Variants in CERS3 observed in about 807,000 individuals in gnomAD.
CERS3 encodes ceramide synthase 3.
Under a neutral mutation model 50.3 loss-of-function variants are expected in CERS3, and 33 were observed. The observed-to-expected ratio is 0.66, with a 90% CI of 0.50 to 0.88. CERS3 has a LOEUF of 0.88. CERS3 is among the 40% of genes least tolerant of loss of function. The probability of loss-of-function intolerance (pLI) is 0.00; values close to 1 mark genes in which losing one functional copy is unlikely to be tolerated. For synonymous variants in CERS3, 176 were observed against 155.2 expected, an observed-to-expected ratio of 1.13 and a Z score of -0.99; for missense variants, 470 against 460.3, an observed-to-expected ratio of 1.02 and a Z score of -0.19.
At chr15:100,478,108 G>T (rs545542622) in intron 7 of CERS3, among the ~76,000 whole-genome samples, 12 of 152,274 alleles carry the variant, frequency 7.9e-5, no homozygotes, top group African/African-American at 2.6e-4. Context: ...AGACTAATCA[G>T]ACTTTGACTT....
rs144246949 is a variant in CERS3, at chr15:100,466,115, T to G, written c.845+3263A>C. Among the ~76,000 whole-genome samples, 660 of 152,274 alleles carry G rather than the reference T, an allele frequency of 4.3e-3. 7 individuals are homozygous for G. Among genetic ancestry groups the G allele is most frequent in the African/African-American group, 0.015 (626 of 41,564 alleles). ...ATGCCAAACACATGTAACTCAATTCTCCTTGAAAACCAGAAATGCTGGCAT... is the reference window on the plus strand; with the variant it reads ...ATGCCAAACACATGTAACTCAATTCGCCTTGAAAACCAGAAATGCTGGCAT... On this transcript the variant is annotated intron_variant, in intron 10 of 11. Transcript: ENST00000679737.
At chr15:100,463,199 G>A (rs2142215580) in intron 10 of CERS3, among the ~76,000 whole-genome samples, 1 of 152,100 alleles carries the variant, frequency 6.6e-6, no homozygotes, top group East Asian at 1.9e-4. Context: ...AAAATTGGGA[G>A]GCTGAGGCAG....
intron 10 of CERS3, among the ~76,000 whole-genome samples, chr15:100,457,139 T>C (rs907863580): frequency 1.4e-4 from 22 of 152,292 alleles, no homozygotes; most frequent in Admixed American, 1.3e-3. Context: ...ACAAACAATA[T>C]TGTAATTTTC....
At chr15:100,404,448 C>G (rs76765749) in intron 11 of CERS3, among the ~76,000 whole-genome samples, 3 of 152,126 alleles carry the variant, frequency 2.0e-5, no homozygotes, top group African/African-American at 7.2e-5. Context: ...AGAGAGAAAT[C>G]TGAAATTCTT....
At chr15:100,533,150 G>A (rs943823645), upstream of CERS3, among the ~76,000 whole-genome samples, 15 of 152,160 alleles carry the variant, frequency 9.9e-5, no homozygotes, top group East Asian at 1.9e-4. Flanking sequence ...CAAATTAGTC[G>A]GGAGGACAAC....
At chr15:100,459,213 AT>A (rs199773947) in intron 10 of CERS3, among the ~76,000 whole-genome samples, 2,724 of 152,378 alleles carry the variant, frequency 0.018, 38 homozygotes, top group Middle Eastern at 0.082. Flanking sequence ...ATATATCATA[AT>A]TTAACTAATC....
chr15:100,469,327 G>T, intron 10 of CERS3, 51 bp downstream of exon 10: 1 of 1,416,048 alleles, frequency 7.1e-7, no homozygotes, highest in South Asian at 1.2e-5. Flanking sequence ...CATGCACTGA[G>T]GCCACCTCTG....
rs986952633 is a variant in CERS3, at chr15:100,480,978, G to A, written c.408-932C>T. ...TTCTACTTTAATATATGCTTGCAAC[G>A]TTCCAAATAAAAAGTTTTTTAAAGT... is the stretch of plus-strand genomic sequence containing the variant. On this transcript the variant is annotated intron_variant, in intron 5 of 11. Coordinates refer to ENST00000679737, the MANE Select transcript of CERS3 (RefSeq NM_001378789.1). Among the ~76,000 whole-genome samples, 31 of 152,110 alleles carry A rather than the reference G, an allele frequency of 2.0e-4. 1 individual carries two copies. The highest frequency in any genetic ancestry group is 6.2e-4 in the South Asian group (3 of 4,832).
intron 8 of CERS3, among the ~76,000 whole-genome samples, chr15:100,475,121 A>G (rs1307945344): frequency 6.6e-6 from 1 of 152,208 alleles, no homozygotes. Context: ...AAATGACTCA[A>G]CCAATTAAAT....
intron 11 of CERS3, among the ~76,000 whole-genome samples, chr15:100,427,867 G>GA (rs1472158855): frequency 6.6e-6 from 1 of 152,182 alleles, no homozygotes; most frequent in Non-Finnish European, 1.5e-5. Context: ...CCACCCCCAG[G>GA]ATGGGAACAG....
intron 11 of CERS3, among the ~76,000 whole-genome samples, chr15:100,409,869 A>G (rs1307084317): frequency 6.6e-6 from 1 of 152,148 alleles, no homozygotes; most frequent in African/African-American, 2.4e-5. Flanking sequence ...CTCTTTGAAG[A>G]GTGGAGGGGT....
intron 3 of CERS3, among the ~76,000 whole-genome samples, chr15:100,491,918 G>A (rs969197004): frequency 3.4e-5 from 5 of 147,868 alleles, no homozygotes; most frequent in Non-Finnish European, 7.4e-5. Context: ...AGAGATGAGG[G>A]TTTTGCTATG....
chr15:100,534,219 G>A (rs762026654), intron 1 of CERS3, among the ~76,000 whole-genome samples: 1 of 152,142 alleles, frequency 6.6e-6, no homozygotes, highest in Non-Finnish European at 1.5e-5. Context: ...TCCAGAAAAT[G>A]TTCATTGCTA....
chr15:100,442,851 CCTT>C (rs1401856270), intron 11 of CERS3, among the ~76,000 whole-genome samples: 5 of 152,142 alleles, frequency 3.3e-5, no homozygotes, highest in African/African-American at 2.4e-5. Flanking sequence ...AAGCCCATCC[CCTT>C]CTTAATCAAT....
chr15:100,440,836 A>G (rs1047464841), intron 11 of CERS3, among the ~76,000 whole-genome samples: 1 of 152,028 alleles, frequency 6.6e-6, no homozygotes, highest in African/African-American at 2.4e-5. Flanking sequence ...TTGGCACCAC[A>G]CTTCAATTTC....
In CERS3 at chr15:100,490,881, C is replaced by T. The variant is rs904261909; in HGVS notation, c.224G>A (p.Arg75Gln). The part of the protein sequence containing the change: ...AKSFGIKETV[R>Q]KVTPNTVLEN... Reference sequence around the variant, plus strand: ...TAAGACAGTATTTGGTGTAACCTTTCGAACTGTCTCTTTAATGCCAAATGA... The same window carrying T: ...TAAGACAGTATTTGGTGTAACCTTTTGAACTGTCTCTTTAATGCCAAATGA... The change falls in exon 4 of 12, where the codon CGA becomes CAA. Residue 75 changes from arginine (R) to glutamine (Q), a missense_variant. Coordinates refer to ENST00000679737, the MANE Select transcript of CERS3 (RefSeq NM_001378789.1). 7 of 1,611,256 alleles carry T rather than the reference C, an allele frequency of 4.3e-6. No individual in the cohort carries two copies. The highest frequency in any genetic ancestry group is 2.2e-5 in the South Asian group (2 of 90,560).
At chr15:100,443,135 C>A (rs1170640738) in intron 11 of CERS3, among the ~76,000 whole-genome samples, 1 of 151,330 alleles carries the variant, frequency 6.6e-6, no homozygotes, top group Non-Finnish European at 1.5e-5. Flanking sequence ...TCTTCCCAAT[C>A]CAAAGCCTCC....
At chr15:100,482,623 C>T (rs937015502) in intron 5 of CERS3, among the ~76,000 whole-genome samples, 22 of 151,542 alleles carry the variant, frequency 1.5e-4, no homozygotes, top group African/African-American at 4.9e-4. Context: ...AAAAAAAGGG[C>T]CCATTATGTA....
At chr15:100,451,666 C>T (rs947967323) in intron 11 of CERS3, among the ~76,000 whole-genome samples, 1 of 152,084 alleles carries the variant, frequency 6.6e-6, no homozygotes, top group African/African-American at 2.4e-5. Flanking sequence ...AAGATCGTGC[C>T]TCTGCACTCT....
Sources: allele counts gnomAD v4.1 joint callset (sites outside exome capture counted in the v4.1 genomes callset), GRCh38; gene constraint gnomAD v4.1.1; transcripts MANE v1.5; gene names NCBI Gene and HGNC (gene_info 2026-07-23, HGNC 2026-07-21).